POLR1A: variants seen among roughly 807,000 people sequenced by gnomAD.
The protein encoded by POLR1A is RNA polymerase I subunit A, also known as DNA-directed RNA polymerase I subunit RPA1.
A neutral mutation model predicts 205.3 loss-of-function variants in POLR1A; 84 were observed. That is an observed-to-expected ratio of 0.41 (90% CI 0.34 to 0.49). POLR1A has a LOEUF of 0.49. POLR1A is among the 20% of genes least tolerant of loss of function. The probability of loss-of-function intolerance (pLI) is 0.22; values close to 1 mark genes in which losing one functional copy is unlikely to be tolerated. For synonymous variants in POLR1A, 799 were observed against 863.7 expected, an observed-to-expected ratio of 0.93 and a Z score of 1.31; for missense variants, 1,645 against 2,204.5, an observed-to-expected ratio of 0.75 and a Z score of 5.08.
At chr2:86,077,273 C>T (rs570256718) in intron 11 of POLR1A, among the ~76,000 whole-genome samples, 9 of 152,162 alleles carry the variant, frequency 5.9e-5, no homozygotes, top group Non-Finnish European at 7.3e-5. Flanking sequence ...TGTGAGAAGA[C>T]GAAGCTAGCT....
At position 86,041,190 on chromosome 2, in the gene POLR1A, T is replaced by TGCACGCGCGC. The variant is rs1553433562; in HGVS notation, c.3573-632_3573-631insGCGCGCGTGC. 6.4e-3 allele frequency among the ~76,000 whole-genome samples: 268 copies of TGCACGCGCGC among 41,980 alleles called. 3 individuals carry two copies. The highest frequency in any genetic ancestry group is 0.018 in the African/African-American group (254 of 14,380). 27.5% of individuals were successfully genotyped at this position (41,980 alleles called of 152,430 possible). ...GTGTGTGTGTGTGTGTGTGTGTGTGTGCGCGCTGAGCTACAGTGTCTGTGT... is the reference window on the plus strand; with the variant it reads ...GTGTGTGTGTGTGTGTGTGTGTGTGTGCACGCGCGCGCGCGCTGAGCTACAGTGTCTGTGT... On this transcript the variant is annotated intron_variant, in intron 24 of 33. Coordinates refer to ENST00000263857, the MANE Select transcript of POLR1A (RefSeq NM_015425.6).
rs3731822 is a variant in POLR1A at position 86,021,371 on chromosome 2, C to T, written c.*6052G>A. 0.033 allele frequency: 5,089 copies of T among 152,392 alleles called. 178 individuals carry two copies. Among genetic ancestry groups the T allele is most frequent in the East Asian group, 0.098 (507 of 5,182 alleles). 9.4% of individuals were successfully genotyped at this position (152,392 alleles called of 1,614,324 possible). A position where few individuals can be genotyped will look rare whatever the true frequency, so the allele number is the denominator to read the frequency against. On this transcript the variant is annotated 3_prime_UTR_variant, in exon 34 of 34. Coordinates refer to ENST00000263857, the MANE Select transcript of POLR1A (RefSeq NM_015425.6). ...ACTGAATAGCCACACCTATATCACC[C>T]ATATTCAAGGGCAAAGGGCCAGCAG...
chr2:86,091,735 CCTTT>C (rs967340253), intron 3 of POLR1A, among the ~76,000 whole-genome samples: 38 of 152,258 alleles, frequency 2.5e-4, no homozygotes, highest in African/African-American at 8.9e-4. Flanking sequence ...TTAAGAAAAT[CCTTT>C]CTTTCTCTCT....
chr2:86,088,607 A>C lies in POLR1A; in HGVS notation c.689T>G (p.Met230Arg). 1.2e-6 allele frequency: 2 copies of C among 1,614,036 alleles called. No homozygotes were observed. ...CTTCTGGCCAGCTGTCCTGTGCACC[A>C]TGGCTGGAAACGTGATAGTCAACTT... ...NSKLTITFPA[M>R]VHRTAGQKDS... Residue 230 changes from methionine to arginine, a missense_variant, in exon 6 of 34, where the codon ATG (methionine) becomes AGG (arginine). Around this residue, in one of 16 missense-constraint regions of POLR1A, gnomAD observed 330 missense variants for 375.6 expected, o/e 0.88. Coordinates refer to ENST00000263857, the MANE Select transcript of POLR1A (RefSeq NM_015425.6).
At chr2:86,073,864 T>TA (rs1346922614) in intron 12 of POLR1A, among the ~76,000 whole-genome samples, 1 of 152,200 alleles carries the variant, frequency 6.6e-6, no homozygotes, top group African/African-American at 2.4e-5. Flanking sequence ...TGACCTGAGT[T>TA]AAATGTAAGT....
At chr2:86,060,179 T>A (rs1042688596) in intron 14 of POLR1A, among the ~76,000 whole-genome samples, 1 of 152,224 alleles carries the variant, frequency 6.6e-6, no homozygotes, top group African/African-American at 2.4e-5. Context: ...TTGAAGGACA[T>A]ACTATGTTCA....
chr2:86,100,116 G>A lies in POLR1A; in HGVS notation c.134C>T (p.Pro45Leu), dbSNP rs1673785402. 6.2e-7 allele frequency: 1 copy of A among 1,614,042 alleles called. No individual in the cohort carries two copies. Among genetic ancestry groups the A allele is most frequent in the African/African-American group, 1.3e-5 (1 of 74,920 alleles). Residue 45 changes from proline to leucine, a missense_variant, in exon 2 of 34, where the codon CCA becomes CTA. By Grantham distance (98) the Pro-to-Leu change is moderately conservative. This residue lies in a region of POLR1A where 330 missense variants were observed against 375.6 expected (regional missense o/e 0.88). Transcript: ENST00000263857. ...TAAATCGTACAGGCCGTTTGCCGAT[G>A]GGTTCCCCAGGCTGTCCAGGTATCG... ...NPRYLDSLGN[P>L]SANGLYDLAL...
At chr2:86,071,388 T>C (rs1161554335) in intron 12 of POLR1A, among the ~76,000 whole-genome samples, 3 of 152,026 alleles carry the variant, frequency 2.0e-5, no homozygotes, top group Non-Finnish European at 4.4e-5. Context: ...CCTTCTAGCC[T>C]CAAACGATCT....
chr2:86,088,725 T>C (rs1573832725), intron 5 of POLR1A, 56 bp from the exon 6 acceptor site: 1 of 1,594,534 alleles, frequency 6.3e-7, no homozygotes, highest in East Asian at 2.2e-5. Context: ...AGATATTTAA[T>C]AATAGCAATG....
rs563725972 is a variant in POLR1A, at chr2:86,045,936, GA to G, written c.2734-168del. Among the ~76,000 whole-genome samples the G allele has an allele frequency of 7.0e-3, 1,055 of 149,706 alleles. 15 individuals carry two copies. Among genetic ancestry groups the G allele is most frequent in the African/African-American group, 0.024 (967 of 41,034 alleles). ...ACAAACCAGGAAGCCTTCATTTTAA[GA>G]AAAAAAAAATACCTTCCTTTGGTTG... On this transcript the variant is annotated intron_variant, in intron 19 of 33. Coordinates refer to ENST00000263857, the MANE Select transcript of POLR1A (RefSeq NM_015425.6).
At chr2:86,076,398 C>G (rs1395374533) in intron 11 of POLR1A, among the ~76,000 whole-genome samples, 1 of 152,234 alleles carries the variant, frequency 6.6e-6, no homozygotes, top group Non-Finnish European at 1.5e-5. Context: ...ATATACTTGT[C>G]TATCTATTTA....
At position 86,078,269 on chromosome 2, in the gene POLR1A, T is replaced by C. The variant is rs1471109607; in HGVS notation, c.1102A>G (p.Ile368Val). ...CTCAAAAAGGATCGGTCAATAGCAA[T>C]CAAAGAGTCTTTTTCCTGGAAGATG... ...PTTDEEKDSL[I>V]AIDRSFLSTL... is the part of the protein sequence containing the mutation. The change falls in exon 10 of 34, where the codon ATT becomes GTT. Residue 368 changes from isoleucine to valine, a missense_variant. Physicochemically the swap from Ile to Val is conservative, Grantham distance 29 (BLOSUM62 3). Coordinates refer to ENST00000263857, the MANE Select transcript of POLR1A (RefSeq NM_015425.6). 1.3e-6 allele frequency: 2 copies of C among 1,569,694 alleles called. No homozygotes were observed. The highest frequency in any genetic ancestry group is 1.7e-6 in the Non-Finnish European group (2 of 1,162,694).
chr2:86,088,198 T>C (rs1372169966), intron 6 of POLR1A, among the ~76,000 whole-genome samples: 3 of 152,144 alleles, frequency 2.0e-5, no homozygotes, highest in Non-Finnish European at 4.4e-5. Context: ...TTAAAAATTA[T>C]TCGCCTACAT....
chr2:86,069,036 T>C (rs1217692184), intron 13 of POLR1A, among the ~76,000 whole-genome samples: 2 of 152,218 alleles, frequency 1.3e-5, no homozygotes, highest in East Asian at 3.8e-4. Context: ...TGAGTGTCCT[T>C]GGACAAGTTA....
intron 16 of POLR1A, among the ~76,000 whole-genome samples, chr2:86,049,641 AAG>A (rs1196767555): frequency 6.6e-6 from 1 of 152,160 alleles, no homozygotes; most frequent in African/African-American, 2.4e-5. Flanking sequence ...CTCAGGGAAA[AAG>A]AGAGAGAGAA....
intron 25 of POLR1A, 36 bp from the exon 26 acceptor site, chr2:86,039,498 G>A: frequency 6.2e-7 from 1 of 1,612,912 alleles, no homozygotes; most frequent in Non-Finnish European, 8.5e-7. Context: ...ATCATGAGTG[G>A]CAACCAGACC....
In POLR1A at chr2:86,024,567, T is replaced by C. The variant is rs1460200179; in HGVS notation, c.*2856A>G. On this transcript the variant is annotated 3_prime_UTR_variant, in exon 34 of 34. Coordinates refer to ENST00000263857, the MANE Select transcript of POLR1A (RefSeq NM_015425.6). ...GGAATATCTGTGGGAATGCTGATAG[T>C]GTTTCTGGTGAGAACCCAAAAAAGA... 3.3e-5 allele frequency: 5 copies of C among 152,196 alleles called. No individual in the cohort carries two copies. 9.4% of individuals were successfully genotyped at this position (152,196 alleles called of 1,614,324 possible).
Position 86,093,305 on chromosome 2 carries a change from T to C in POLR1A, c.433-3376A>G, listed in dbSNP as rs1171739136. Among the ~76,000 whole-genome samples, 5 of 152,230 alleles carry C rather than the reference T, an allele frequency of 3.3e-5. 1 individual carries two copies. The South Asian group carries it at 8.3e-4, about 25-fold the overall frequency. ...ATATTTTGAAACAATCTCAAATTTA[T>C]AGAAAAATTCCAAGTATTTCCAGAA... On this transcript the variant is annotated intron_variant, in intron 3 of 33. Coordinates refer to ENST00000263857, the MANE Select transcript of POLR1A (RefSeq NM_015425.6).
At chr2:86,050,965 A>C (rs1259205500) in intron 16 of POLR1A, among the ~76,000 whole-genome samples, 2 of 152,180 alleles carry the variant, frequency 1.3e-5, no homozygotes, top group African/African-American at 4.8e-5. Flanking sequence ...AACAGACTTA[A>C]CTTATAATCC....
Sources: allele counts gnomAD v4.1 joint callset (sites outside exome capture counted in the v4.1 genomes callset), GRCh38; gene constraint gnomAD v4.1.1; regional missense constraint gnomAD v4.1.1; transcripts MANE v1.5; gene names NCBI Gene and HGNC (gene_info 2026-07-23, HGNC 2026-07-21).